Variants in CTNNA2 observed in about 807,000 individuals in gnomAD.
CTNNA2 encodes the protein catenin alpha-2.
Under a neutral mutation model 101.0 loss-of-function variants are expected in CTNNA2, and 42 were observed. The observed-to-expected ratio is 0.42, with a 90% CI of 0.32 to 0.54. The LOEUF is 0.54. Among genes scored for constraint, CTNNA2 ranks in the 20% least tolerant of loss-of-function variants. The pLI, the probability that CTNNA2 is intolerant of heterozygous loss-of-function variation, is 0.14. For missense variants in CTNNA2, 871 were observed against 1,223.1 expected (o/e 0.71, Z 4.29); for synonymous variants, 450 against 456.4 (o/e 0.99, Z 0.18).
At chr2:80,512,521 T>A (rs1490304171) in intron 9 of CTNNA2, among the ~76,000 whole-genome samples, 1 of 152,112 alleles carries the variant, frequency 6.6e-6, no homozygotes, top group African/African-American at 2.4e-5. Flanking sequence ...TTCTGGGCCG[T>A]GTATAGAAGA....
chr2:79,189,562 A>C (rs1407899115), intron 1 of CTNNA2, among the ~76,000 whole-genome samples: 1 of 152,200 alleles, frequency 6.6e-6, no homozygotes, highest in African/African-American at 2.4e-5. Flanking sequence ...TTGCTGCAAG[A>C]GGGGAGAGAG....
chr2:79,324,414 G>C (rs553560995), intron 3 of CTNNA2, among the ~76,000 whole-genome samples: 1 of 152,276 alleles, frequency 6.6e-6, no homozygotes, highest in South Asian at 2.1e-4. Flanking sequence ...AGTGGCCCTG[G>C]AGTGGGAGGT....
chr2:79,599,724 TGA>T (rs1478988039), intron 1 of CTNNA2, among the ~76,000 whole-genome samples: 1 of 152,226 alleles, frequency 6.6e-6, no homozygotes, highest in Non-Finnish European at 1.5e-5. Flanking sequence ...TAGAAAAATC[TGA>T]GAAATTTAAG....
chr2:80,323,439 T>C (rs1011540674), intron 7 of CTNNA2, among the ~76,000 whole-genome samples: 1 of 151,922 alleles, frequency 6.6e-6, no homozygotes, highest in Non-Finnish European at 1.5e-5. Context: ...CAAATACAAC[T>C]CCTCTTTTAT....
rs574182497 is a variant in CTNNA2 at position 80,098,485 on chromosome 2, C to A, written c.1056+188688C>A. On this transcript the variant is annotated intron_variant, in intron 7 of 18. Transcript: ENST00000402739. ...CCACTTGAGAGGCAGTATCCCCGTTCTCGGATCTCAAGCTGCGTGTTGGGA... is the reference window on the plus strand; with the variant it reads ...CCACTTGAGAGGCAGTATCCCCGTTATCGGATCTCAAGCTGCGTGTTGGGA... Among the ~76,000 whole-genome samples the A allele has an allele frequency of 2.0e-5, 3 of 152,338 alleles. No individual in the cohort carries two copies. In the East Asian group the frequency reaches 5.8e-4, roughly 29 times the overall value.
At chr2:79,386,530 G>A (rs913620367) in intron 4 of CTNNA2, among the ~76,000 whole-genome samples, 7 of 152,226 alleles carry the variant, frequency 4.6e-5, no homozygotes, top group African/African-American at 1.4e-4. Flanking sequence ...TCTTCTTAAT[G>A]AAAACATAAC....
chr2:79,486,032 T>C (rs1671153651), intron 4 of CTNNA2, among the ~76,000 whole-genome samples: 1 of 152,206 alleles, frequency 6.6e-6, no homozygotes, highest in Non-Finnish European at 1.5e-5. Flanking sequence ...TAATTAGGAC[T>C]CAAACAAAAG....
intron 2 of CTNNA2, among the ~76,000 whole-genome samples, chr2:79,706,208 C>T (rs368306390): frequency 6.6e-6 from 1 of 151,728 alleles, no homozygotes. Flanking sequence ...ACTAAAAATA[C>T]AAAAAATATG....
intron 7 of CTNNA2, among the ~76,000 whole-genome samples, chr2:80,386,309 G>A (rs1017980327): frequency 6.6e-6 from 1 of 152,116 alleles, no homozygotes; most frequent in Non-Finnish European, 1.5e-5. Flanking sequence ...TGTGGCCACT[G>A]TTCAACTTTC....
intron 7 of CTNNA2, among the ~76,000 whole-genome samples, chr2:80,059,165 A>T (rs1416386652): frequency 6.6e-6 from 1 of 152,056 alleles, no homozygotes; most frequent in African/African-American, 2.4e-5. Context: ...GCACATATAC[A>T]CCCGAGGGCT....
At chr2:79,237,389 G>A (rs981967424) in intron 2 of CTNNA2, among the ~76,000 whole-genome samples, 1 of 152,148 alleles carries the variant, frequency 6.6e-6, no homozygotes, top group African/African-American at 2.4e-5. Context: ...CATTTATAAA[G>A]CACAGGCAGA....
chr2:80,613,300 C>A (rs965748286), intron 17 of CTNNA2, among the ~76,000 whole-genome samples: 1 of 151,262 alleles, frequency 6.6e-6, no homozygotes, highest in Non-Finnish European at 1.5e-5. Flanking sequence ...ATTATAGACA[C>A]CCTCAGAGGG....
intron 4 of CTNNA2, among the ~76,000 whole-genome samples, chr2:79,379,061 C>A (rs1678011274): frequency 6.6e-6 from 1 of 152,058 alleles, no homozygotes; most frequent in Non-Finnish European, 1.5e-5. Context: ...TTTTTAATTA[C>A]TGAAATCATA....
intron 2 of CTNNA2, among the ~76,000 whole-genome samples, chr2:79,703,908 A>G (rs1685173294): frequency 1.3e-5 from 2 of 151,404 alleles, no homozygotes; most frequent in Admixed American, 6.6e-5. Context: ...TTTTCATATA[A>G]ATTTATATTT....
intron 7 of CTNNA2, among the ~76,000 whole-genome samples, chr2:80,041,188 T>G (rs908159442): frequency 1.3e-5 from 2 of 152,118 alleles, no homozygotes; most frequent in Admixed American, 1.3e-4. Context: ...CAAATAAAGT[T>G]TTGAACATTT....
chr2:80,294,902 C>T (rs2149188252), intron 7 of CTNNA2, among the ~76,000 whole-genome samples: 1 of 152,262 alleles, frequency 6.6e-6, no homozygotes. Context: ...AAATAGCTAA[C>T]CTGGTGGACC....
intron 15 of CTNNA2, among the ~76,000 whole-genome samples, chr2:80,591,687 A>G (rs1392763616): frequency 6.6e-6 from 1 of 151,208 alleles, no homozygotes; most frequent in Admixed American, 6.6e-5. Flanking sequence ...AAACTTGGCC[A>G]CTCTCCATAA....
chr2:79,999,975 G>A (rs1412463166), intron 7 of CTNNA2, among the ~76,000 whole-genome samples: 8 of 152,120 alleles, frequency 5.3e-5, no homozygotes, highest in Non-Finnish European at 1.2e-4. Context: ...GAAGACCTGT[G>A]GGGAGGAACT....
At chr2:79,581,283 T>C (rs1180782890) in intron 1 of CTNNA2, among the ~76,000 whole-genome samples, 1 of 152,186 alleles carries the variant, frequency 6.6e-6, no homozygotes, top group East Asian at 1.9e-4. Context: ...CCCAGCACTT[T>C]GGGAGGCCAA....
Sources: gnomAD v4.1 joint callset for allele counts (sites outside exome capture counted in the v4.1 genomes callset) on GRCh38, gnomAD v4.1.1 for gene constraint, MANE v1.5 for transcripts, NCBI Gene and HGNC (gene_info 2026-07-23, HGNC 2026-07-21) for gene names.